Variants in ANO3 observed in about 807,000 individuals in gnomAD.
ANO3 encodes anoctamin 3, also known as anoctamin-3.
Under a neutral mutation model 144.8 loss-of-function variants are expected in ANO3, and 99 were observed. That is an observed-to-expected ratio of 0.68 (90% CI 0.58 to 0.81). The LOEUF (loss-of-function observed/expected upper bound fraction) is 0.81, where lower values mean the gene tolerates loss of function less well. ANO3 is among the 30% of genes least tolerant of loss of function. ANO3 has a pLI of 0.00. For missense variants in ANO3, 905 were observed against 1,202.2 expected (o/e 0.75, Z 3.66); for synonymous variants, 414 against 392.6 (o/e 1.05, Z -0.64).
At chr11:26,557,693 C>T (rs1850129321) in intron 13 of ANO3, among the ~76,000 whole-genome samples, 1 of 152,124 alleles carries the variant, frequency 6.6e-6, no homozygotes, top group Non-Finnish European at 1.5e-5. Flanking sequence ...GACAGAAGGC[C>T]AGTTATCACT....
chr11:26,421,938 G>T (rs1857764273), intron 1 of ANO3, among the ~76,000 whole-genome samples: 2 of 151,922 alleles, frequency 1.3e-5, no homozygotes, highest in African/African-American at 4.8e-5. Context: ...CACACACTGG[G>T]GCCTTTCAGA....
At chr11:26,342,540 C>T (rs1306973124) in intron 1 of ANO3, among the ~76,000 whole-genome samples, 3 of 152,214 alleles carry the variant, frequency 2.0e-5, no homozygotes, top group Non-Finnish European at 4.4e-5. Flanking sequence ...TTATTAGACA[C>T]TGAGCCTACT....
At chr11:26,631,261 T>A (rs1008896338) in intron 18 of ANO3, among the ~76,000 whole-genome samples, 9 of 152,138 alleles carry the variant, frequency 5.9e-5, no homozygotes, top group Non-Finnish European at 1.2e-4. Flanking sequence ...TTCTATTTTA[T>A]TGAAGATTTG....
upstream of ANO3, among the ~76,000 whole-genome samples, chr11:26,327,744 A>AT (rs1344696118): frequency 1.3e-5 from 2 of 152,222 alleles, no homozygotes; most frequent in African/African-American, 2.4e-5. Context: ...CACATACTTA[A>AT]TGTACGATGA....
At chr11:26,296,719 A>G (rs1352203680) in intron 1 of ANO3, among the ~76,000 whole-genome samples, 1 of 152,140 alleles carries the variant, frequency 6.6e-6, no homozygotes, top group Non-Finnish European at 1.5e-5. Flanking sequence ...AATAACAGAC[A>G]CTGATTTGAA....
At chr11:26,532,284 A>C (rs1849393856) in intron 8 of ANO3, among the ~76,000 whole-genome samples, 1 of 152,212 alleles carries the variant, frequency 6.6e-6, no homozygotes, top group South Asian at 2.1e-4. Flanking sequence ...AAGGAATAAA[A>C]TTCCAAATGA....
chr11:26,374,449 T>A (rs1488127552), intron 1 of ANO3, among the ~76,000 whole-genome samples: 1 of 152,190 alleles, frequency 6.6e-6, no homozygotes, highest in African/African-American at 2.4e-5. Flanking sequence ...ACTACTGGAA[T>A]CATTTTTTTA....
chr11:26,428,279 G>A (rs1361870263), intron 1 of ANO3, among the ~76,000 whole-genome samples: 1 of 152,006 alleles, frequency 6.6e-6, no homozygotes, highest in African/African-American at 2.4e-5. Flanking sequence ...TTAAAGAAAA[G>A]ACAAACCTAT....
chr11:26,509,103 C>CTATA (rs145568354), intron 5 of ANO3, among the ~76,000 whole-genome samples: 101 of 118,216 alleles, frequency 8.5e-4, no homozygotes, highest in East Asian at 2.1e-3. Flanking sequence ...ATCTCTCTCT[C>CTATA]TCTATATATA....
rs777161354 is a variant in ANO3, at chr11:26,534,580, TA to T, written c.976+20del. 3.1e-5 allele frequency: 48 copies of T among 1,536,566 alleles called. No homozygotes were observed. The highest frequency in any genetic ancestry group is 4.2e-5 in the Non-Finnish European group (47 of 1,111,244). On this transcript the variant is annotated intron_variant, in intron 9 of 26. Coordinates refer to ENST00000256737, the MANE Select transcript of ANO3 (RefSeq NM_031418.4). ...AAAAGTGGGTAAGAACATTAATTAA[TA>T]ACAGAGTAGAACTTGCTGTTACTAT...
intron 4 of ANO3, among the ~76,000 whole-genome samples, chr11:26,488,417 C>A (rs1056452298): frequency 2.0e-5 from 3 of 152,122 alleles, no homozygotes; most frequent in Non-Finnish European, 2.9e-5. Context: ...AGAATTTATT[C>A]CTTCTGGTGG....
At chr11:26,550,517 C>T (rs1023167496) in intron 12 of ANO3, among the ~76,000 whole-genome samples, 7 of 151,994 alleles carry the variant, frequency 4.6e-5, no homozygotes, top group African/African-American at 9.6e-5. Flanking sequence ...TTGAATTATT[C>T]AGTATTGGTT....
chr11:26,458,113 T>G (rs1565037324), intron 3 of ANO3, among the ~76,000 whole-genome samples: 2 of 152,132 alleles, frequency 1.3e-5, no homozygotes, highest in Non-Finnish European at 2.9e-5. Flanking sequence ...ATTTTTCTAA[T>G]TTGAAATTTA....
intron 1 of ANO3, among the ~76,000 whole-genome samples, chr11:26,235,765 G>T (rs1482325194): frequency 6.6e-6 from 1 of 150,782 alleles, no homozygotes; most frequent in Non-Finnish European, 1.5e-5. Flanking sequence ...AGACCATTTT[G>T]TGTCGTCCCC....
rs1304651169 is a variant in ANO3, at chr11:26,407,076, G to GTGTATA, written c.47-34841_47-34840insGTATAT. ...TGTGTGTGTGTGTGTGTGTGTGTGT[G>GTGTATA]TATATATATATATATATGTATATAT... On this transcript the variant is annotated intron_variant, in intron 1 of 26. Transcript: ENST00000256737. Among the ~76,000 whole-genome samples the GTGTATA allele has an allele frequency of 1.3e-3, 133 of 101,506 alleles. 2 individuals carry two copies. The highest frequency in any genetic ancestry group is 3.8e-3 in the African/African-American group (119 of 31,502). 66.6% of individuals were successfully genotyped at this position (101,506 alleles called of 152,430 possible).
intron 1 of ANO3, among the ~76,000 whole-genome samples, chr11:26,311,850 TA>T (rs1453383340): frequency 6.6e-6 from 1 of 152,074 alleles, no homozygotes; most frequent in East Asian, 1.9e-4. Flanking sequence ...TCTTGTTTTT[TA>T]AAAAACTTTT....
chr11:26,354,510 C>CA (rs1417863503), intron 1 of ANO3, among the ~76,000 whole-genome samples: 1 of 152,076 alleles, frequency 6.6e-6, no homozygotes, highest in African/African-American at 2.4e-5. Flanking sequence ...ATGACAAAGA[C>CA]AAAAAACAAA....
In ANO3 at chr11:26,660,530, G is replaced by T; in HGVS notation, c.*86G>T. The T allele has an allele frequency of 7.9e-7, 1 of 1,260,692 alleles. No individual in the cohort carries two copies. Among genetic ancestry groups the T allele is most frequent in the Non-Finnish European group, 1.1e-6 (1 of 917,482 alleles). 78.1% of individuals were successfully genotyped at this position (1,260,692 alleles called of 1,614,324 possible). A position where few individuals can be genotyped will look rare whatever the true frequency, so the allele number is the denominator to read the frequency against. Reference sequence around the variant, plus strand: ...AATGCTAGGTGAAATCTAGGAGGAAGGCATACTTGGCAAACCACATGTATA... The same window carrying T: ...AATGCTAGGTGAAATCTAGGAGGAATGCATACTTGGCAAACCACATGTATA... On this transcript the variant is annotated 3_prime_UTR_variant, in exon 27 of 27. Coordinates refer to ENST00000256737, the MANE Select transcript of ANO3 (RefSeq NM_031418.4).
rs1853845585 is a variant in ANO3, at chr11:26,660,458, C to T, written c.*14C>T. 6.2e-7 allele frequency: 1 copy of T among 1,605,914 alleles called. No individual in the cohort carries two copies. The highest frequency in any genetic ancestry group is 1.3e-5 in the African/African-American group (1 of 74,550). On this transcript the variant is annotated 3_prime_UTR_variant, in exon 27 of 27. Transcript: ENST00000256737. ...GAATGGCCTTAGTTGACACCTGTTA[C>T]CCATTAGGGGTGATAACATTAATGG...
Sources: allele counts gnomAD v4.1 joint callset (sites outside exome capture counted in the v4.1 genomes callset), GRCh38; gene constraint gnomAD v4.1.1; transcripts MANE v1.5; gene names NCBI Gene and HGNC (gene_info 2026-07-23, HGNC 2026-07-21).